XKR9: variants seen among roughly 807,000 people sequenced by gnomAD.
XKR9 encodes XK related 9.
A neutral mutation model predicts 32.0 loss-of-function variants in XKR9; 32 were observed. The ratio of observed to expected loss-of-function variants is 1.00; its 90% CI spans 0.76 to 1.34. XKR9 has a LOEUF of 1.34. Ranked by LOEUF, XKR9 falls within the 40% of genes most tolerant of loss-of-function variation. XKR9 has a pLI of 0.00. For synonymous variants in XKR9, 168 were observed against 143.4 expected (o/e 1.17, Z -1.22); for missense variants, 546 against 429.7 (o/e 1.27, Z -2.39).
At chr8:70,903,989 C>T in the XKR9 span, among the ~76,000 whole-genome samples, 1 of 151,990 alleles carries the variant, frequency 6.6e-6, no homozygotes, top group Non-Finnish European at 1.5e-5. Flanking sequence ...TTTGATTACA[C>T]TGTGGTCTGA....
chr8:70,722,187 A>G (rs568878671), intron 4 of XKR9, among the ~76,000 whole-genome samples: 1 of 150,684 alleles, frequency 6.6e-6, no homozygotes, highest in Non-Finnish European at 1.5e-5. Context: ...TTTTGAGCCT[A>G]TGTGTGCACA....
downstream of XKR9, among the ~76,000 whole-genome samples, chr8:70,738,455 G>A (rs568425060): frequency 6.7e-6 from 1 of 148,824 alleles, no homozygotes; most frequent in South Asian, 2.1e-4. Flanking sequence ...AGGGTTTTTT[G>A]TGTCTCTATT....
At chr8:70,717,676 C>G (rs1205586993) in intron 4 of XKR9, among the ~76,000 whole-genome samples, 1 of 152,118 alleles carries the variant, frequency 6.6e-6, no homozygotes, top group East Asian at 1.9e-4. Context: ...GAAGGGGCTG[C>G]AGTAAAGGTC....
the XKR9 span, among the ~76,000 whole-genome samples, chr8:70,951,032 C>G: frequency 6.6e-6 from 1 of 152,166 alleles, no homozygotes; most frequent in Non-Finnish European, 1.5e-5. Context: ...GGACTGTGCC[C>G]AGACTGGTGT....
the XKR9 span, among the ~76,000 whole-genome samples, chr8:70,898,427 A>T: frequency 6.6e-6 from 1 of 152,264 alleles, no homozygotes; most frequent in African/African-American, 2.4e-5. Flanking sequence ...TATACATTTT[A>T]GGATTGATTT....
chr8:70,674,702 CA>C (rs1454697248), intron 1 of XKR9, 115 bp from the exon 2 acceptor site: 2 of 152,210 alleles, frequency 1.3e-5, no homozygotes, highest in African/African-American at 4.8e-5. Context: ...TTCACAATGA[CA>C]CAGACTCTTA....
At chr8:70,946,084 G>C in the XKR9 span, among the ~76,000 whole-genome samples, 1 of 151,800 alleles carries the variant, frequency 6.6e-6, no homozygotes, top group Non-Finnish European at 1.5e-5. Flanking sequence ...GCAGTGAGCC[G>C]AGATCACGCC....
intron 2 of XKR9, among the ~76,000 whole-genome samples, chr8:70,782,174 A>G (rs111313266): frequency 6.6e-6 from 1 of 151,776 alleles, no homozygotes; most frequent in Non-Finnish European, 1.5e-5. Flanking sequence ...GCTATCTTAG[A>G]CTCTTTGAAA....
the XKR9 span, among the ~76,000 whole-genome samples, chr8:71,017,915 A>G: frequency 1.3e-5 from 2 of 152,184 alleles, no homozygotes; most frequent in African/African-American, 4.8e-5. Flanking sequence ...TTTTGGGTGG[A>G]TGCATGTTTA....
chr8:70,928,079 G>A, the XKR9 span, among the ~76,000 whole-genome samples: 1 of 152,184 alleles, frequency 6.6e-6, no homozygotes, highest in Non-Finnish European at 1.5e-5. Flanking sequence ...GTCTTGCTCT[G>A]TCAACCAAGC....
At chr8:70,710,166 A>G (rs1336221878) in intron 4 of XKR9, among the ~76,000 whole-genome samples, 1 of 152,148 alleles carries the variant, frequency 6.6e-6, no homozygotes, top group Non-Finnish European at 1.5e-5. Flanking sequence ...TCTTCGACAG[A>G]GTCGACAGTA....
intron 2 of XKR9, among the ~76,000 whole-genome samples, chr8:70,759,280 A>G (rs1230972655): frequency 6.6e-6 from 1 of 152,196 alleles, no homozygotes; most frequent in East Asian, 1.9e-4. Context: ...CTGGATGTGC[A>G]TTGGGCCAGG....
the XKR9 span, among the ~76,000 whole-genome samples, chr8:70,986,554 G>C: frequency 6.6e-6 from 1 of 152,144 alleles, no homozygotes; most frequent in East Asian, 1.9e-4. Flanking sequence ...CTTCAAAATA[G>C]GAGACATAGT....
the XKR9 span, among the ~76,000 whole-genome samples, chr8:71,036,840 A>C: frequency 6.8e-6 from 1 of 146,816 alleles, no homozygotes; most frequent in South Asian, 2.2e-4. Flanking sequence ...CTGATTCATA[A>C]TTTTCTCCAG....
At chr8:70,889,062 T>C in the XKR9 span, among the ~76,000 whole-genome samples, 590 of 152,154 alleles carry the variant, frequency 3.9e-3, 7 homozygotes, top group African/African-American at 0.013. Flanking sequence ...TTTCACAGTA[T>C]TGAGTCTTCC....
At chr8:70,935,044 C>G in the XKR9 span, among the ~76,000 whole-genome samples, 1 of 150,370 alleles carries the variant, frequency 6.7e-6, no homozygotes, top group Non-Finnish European at 1.5e-5. Flanking sequence ...TACATTTTCT[C>G]CTCTCAAGGT....
the XKR9 span, among the ~76,000 whole-genome samples, chr8:70,853,887 A>G: frequency 1.3e-5 from 2 of 152,162 alleles, no homozygotes; most frequent in Non-Finnish European, 2.9e-5. Flanking sequence ...ATAGTATTCC[A>G]TGGTGTATAT....
the XKR9 span, among the ~76,000 whole-genome samples, chr8:71,060,117 T>TTCGC: frequency 1.1e-4 from 17 of 152,200 alleles, no homozygotes; most frequent in Non-Finnish European, 1.2e-4. Context: ...GTTTAAATCA[T>TTCGC]TCGCTCCATG....
chr8:70,831,908 A>T, the XKR9 span, among the ~76,000 whole-genome samples: 2 of 152,116 alleles, frequency 1.3e-5, no homozygotes, highest in Non-Finnish European at 2.9e-5. Context: ...CCTGGCAGGG[A>T]TGACTGAAAT....
Sources: gnomAD v4.1 joint callset for allele counts (sites outside exome capture counted in the v4.1 genomes callset) on GRCh38, gnomAD v4.1.1 for gene constraint, MANE v1.5 for transcripts, NCBI Gene and HGNC (gene_info 2026-07-23, HGNC 2026-07-21) for gene names.